TAFA1: variants seen among roughly 807,000 people sequenced by gnomAD.
TAFA1 encodes TAFA chemokine like family member 1.
A neutral mutation model predicts 18.5 loss-of-function variants in TAFA1; 4 were observed. The observed-to-expected ratio is 0.22, with a 90% CI of 0.11 to 0.49. The LOEUF (loss-of-function observed/expected upper bound fraction) is 0.49. Among genes scored for constraint, TAFA1 ranks in the 20% least tolerant of loss-of-function variants. The pLI is 0.98. For synonymous variants in TAFA1, 56 were observed against 55.2 expected (o/e 1.01, Z -0.06); for missense variants, 147 against 169.0 (o/e 0.87, Z 0.72).
chr3:68,204,069 TG>T (rs2066498524), intron 2 of TAFA1, among the ~76,000 whole-genome samples: 1 of 151,366 alleles, frequency 6.6e-6, no homozygotes, highest in Non-Finnish European at 1.5e-5. Context: ...CACTTGTTGC[TG>T]GGAGCTTTTT....
intron 3 of TAFA1, among the ~76,000 whole-genome samples, chr3:68,516,624 C>T (rs2072924324): frequency 6.6e-6 from 1 of 152,136 alleles, no homozygotes; most frequent in South Asian, 2.1e-4. Context: ...TTTCTCTCTC[C>T]TGCTGCTAGA....
chr3:68,355,462 C>G (rs262249), intron 2 of TAFA1, among the ~76,000 whole-genome samples: 1 of 151,618 alleles, frequency 6.6e-6, no homozygotes, highest in Non-Finnish European at 1.5e-5. Context: ...AGGATTGTTA[C>G]GATAGATAAA....
chr3:68,391,023 G>A lies in TAFA1; in HGVS notation c.119-26257G>A, dbSNP rs193225674. Among the ~76,000 whole-genome samples, 42 of 152,220 alleles carry A rather than the reference G, an allele frequency of 2.8e-4. No individual in the cohort carries two copies. The East Asian group carries it at 7.5e-3, about 27-fold the overall frequency. On this transcript the variant is annotated intron_variant, in intron 2 of 4. Transcript: ENST00000478136. ...CTGAGAATGAGTTTGATGAATTGAC[G>A]GAAGTAGGCTTCAGAAGGTGGGTAA...
At chr3:68,512,506 A>G (rs2072863645) in intron 3 of TAFA1, among the ~76,000 whole-genome samples, 1 of 152,132 alleles carries the variant, frequency 6.6e-6, no homozygotes, top group South Asian at 2.1e-4. Context: ...GGCCTGTGGA[A>G]GGTCCAGGGC....
At chr3:68,541,923 T>G (rs1468679577) in intron 4 of TAFA1, among the ~76,000 whole-genome samples, 2 of 152,192 alleles carry the variant, frequency 1.3e-5, no homozygotes, top group East Asian at 3.9e-4. Flanking sequence ...TTTATGGTGT[T>G]CATTTTTTAA....
intron 3 of TAFA1, among the ~76,000 whole-genome samples, chr3:68,476,352 A>G (rs2072096794): frequency 6.6e-6 from 1 of 152,310 alleles, no homozygotes; most frequent in South Asian, 2.1e-4. Flanking sequence ...ACAGTGAGAA[A>G]AGTGCTCGGG....
Position 68,542,625 on chromosome 3 carries a change from G to T in TAFA1, c.385-1861G>T, listed in dbSNP as rs892480632. On this transcript the variant is annotated intron_variant, in intron 4 of 4. Transcript: ENST00000478136. ...AATTTAGAAAGTTTATTTGGCAAAG[G>T]TTATGAATGCATGACCTAGAGGTAG... 9.9e-5 allele frequency among the ~76,000 whole-genome samples: 15 copies of T among 152,220 alleles called. No homozygotes were observed. In the South Asian group the frequency reaches 2.7e-3, roughly 27 times the overall value.
At chr3:68,193,033 T>C (rs2066366813) in intron 2 of TAFA1, among the ~76,000 whole-genome samples, 1 of 151,768 alleles carries the variant, frequency 6.6e-6, no homozygotes, top group African/African-American at 2.4e-5. Flanking sequence ...GTAGTCTCCT[T>C]AAACCTTAAT....
intron 2 of TAFA1, among the ~76,000 whole-genome samples, chr3:68,019,185 G>C (rs80277154): frequency 1.3e-5 from 2 of 152,192 alleles, no homozygotes; most frequent in Non-Finnish European, 2.9e-5. Flanking sequence ...TGGGCAGTTA[G>C]CTTGTTGTAT....
chr3:68,388,525 T>C (rs950207), intron 2 of TAFA1, among the ~76,000 whole-genome samples: 1,995 of 152,266 alleles, frequency 0.013, 48 homozygotes, highest in African/African-American at 0.046. Flanking sequence ...AATTTTCCAT[T>C]TTTGCTGTAT....
At position 68,402,933 on chromosome 3, in the gene TAFA1, T is replaced by C. The variant is rs115831944; in HGVS notation, c.119-14347T>C. ...AGGGTGGGAGGCATCTCTTTTGCTG[T>C]CATCATCTTAAAGAATAATACAGTC... On this transcript the variant is annotated intron_variant, in intron 2 of 4. Transcript: ENST00000478136. Among the ~76,000 whole-genome samples the C allele has an allele frequency of 9.2e-3, 1,396 of 152,330 alleles. 25 individuals carry two copies. Among genetic ancestry groups the C allele is most frequent in the African/African-American group, 0.032 (1,334 of 41,584 alleles).
intron 2 of TAFA1, among the ~76,000 whole-genome samples, chr3:68,172,062 T>C (rs1259657878): frequency 6.6e-6 from 1 of 152,272 alleles, no homozygotes. Context: ...AGAGTCTAAG[T>C]CTTCCCAAAT....
At chr3:68,383,433 T>C (rs565484542) in intron 2 of TAFA1, among the ~76,000 whole-genome samples, 3 of 152,248 alleles carry the variant, frequency 2.0e-5, no homozygotes, top group African/African-American at 7.2e-5. Flanking sequence ...CTGCATCTAT[T>C]GAGATAATGT....
intron 3 of TAFA1, among the ~76,000 whole-genome samples, chr3:68,459,690 A>G (rs780436969): frequency 2.0e-5 from 3 of 152,214 alleles, no homozygotes; most frequent in Non-Finnish European, 4.4e-5. Context: ...TAAAATCAAT[A>G]CAAAGAGCTC....
chr3:68,069,005 G>C (rs1213034711), intron 2 of TAFA1, among the ~76,000 whole-genome samples: 1 of 152,178 alleles, frequency 6.6e-6, no homozygotes, highest in East Asian at 1.9e-4. Context: ...ATCTAGAGGA[G>C]GTGCAGAGCT....
chr3:68,016,016 G>A (rs1190673311), intron 2 of TAFA1, among the ~76,000 whole-genome samples: 1 of 152,180 alleles, frequency 6.6e-6, no homozygotes, highest in Non-Finnish European at 1.5e-5. Flanking sequence ...TGTGTCATGA[G>A]TGTTGTCTTG....
At chr3:68,219,973 A>T (rs1252811123) in intron 2 of TAFA1, among the ~76,000 whole-genome samples, 5 of 152,210 alleles carry the variant, frequency 3.3e-5, no homozygotes, top group African/African-American at 1.2e-4. Flanking sequence ...ATTGCTAGAC[A>T]ATAATCAGTA....
chr3:68,520,197 A>T (rs1250259220), intron 3 of TAFA1, among the ~76,000 whole-genome samples: 1 of 151,964 alleles, frequency 6.6e-6, no homozygotes, highest in Non-Finnish European at 1.5e-5. Context: ...ATGAGAAAAA[A>T]TTTTTTTCTT....
At chr3:68,295,394 G>C (rs570967040) in intron 2 of TAFA1, among the ~76,000 whole-genome samples, 3 of 150,714 alleles carry the variant, frequency 2.0e-5, no homozygotes, top group African/African-American at 7.3e-5. Context: ...TTGACTCTAA[G>C]TTCTAAGACC....
Sources: allele counts gnomAD v4.1 joint callset (sites outside exome capture counted in the v4.1 genomes callset), GRCh38; gene constraint gnomAD v4.1.1; transcripts MANE v1.5; gene names NCBI Gene and HGNC (gene_info 2026-07-23, HGNC 2026-07-21).